Variants in ALG5 observed in about 807,000 individuals in gnomAD.
The protein encoded by ALG5 is ALG5 dolichyl-phosphate beta-glucosyltransferase.
ALG5 carries 26 observed loss-of-function variants against 51.8 expected under a neutral mutation model. The ratio of observed to expected loss-of-function variants is 0.50; its 90% CI spans 0.37 to 0.70. The LOEUF (loss-of-function observed/expected upper bound fraction) is 0.70. Among genes scored for constraint, ALG5 ranks in the 30% least tolerant of loss-of-function variants. The probability of loss-of-function intolerance (pLI) is 0.00; values close to 1 mark genes in which losing one functional copy is unlikely to be tolerated. For synonymous variants in ALG5, 141 were observed against 136.1 expected (o/e 1.04, Z -0.25); for missense variants, 311 against 399.3 (o/e 0.78, Z 1.88).
At chr13:36,954,220 T>C (rs1442616087) in intron 8 of ALG5, among the ~76,000 whole-genome samples, 5 of 151,914 alleles carry the variant, frequency 3.3e-5, no homozygotes, top group Non-Finnish European at 1.5e-5. Context: ...CCTGAACATC[T>C]GGGAGCATAG....
intron 6 of ALG5, among the ~76,000 whole-genome samples, chr13:36,973,347 T>TAA (rs2058935314): frequency 1.3e-5 from 2 of 151,836 alleles, no homozygotes; most frequent in Non-Finnish European, 2.9e-5. Context: ...GCCATATGAG[T>TAA]ACTTAGAATA....
At position 36,984,379 on chromosome 13, in the gene ALG5, G is replaced by GC. The variant is rs780763850; in HGVS notation, c.561+1247dup. Among the ~76,000 whole-genome samples, 6 of 152,210 alleles carry GC rather than the reference G, an allele frequency of 3.9e-5. No homozygotes were observed. The East Asian group carries it at 9.7e-4, about 25-fold the overall frequency. ...GCCTCCCACAGTGCTGGAATTACAGGCATGTAAACCTGGCCTGTAATTTTT... is the reference window on the plus strand; with the variant it reads ...GCCTCCCACAGTGCTGGAATTACAGGCCATGTAAACCTGGCCTGTAATTTTT... On this transcript the variant is annotated intron_variant, in intron 6 of 9. Coordinates refer to ENST00000239891, the MANE Select transcript of ALG5 (RefSeq NM_013338.5).
chr13:36,980,804 C>T (rs1209561329), intron 6 of ALG5, among the ~76,000 whole-genome samples: 1 of 151,900 alleles, frequency 6.6e-6, no homozygotes, highest in Non-Finnish European at 1.5e-5. Flanking sequence ...GAAACCCCAT[C>T]TCTACCAAAA....
At chr13:36,976,631 C>T (rs1360825242) in intron 6 of ALG5, among the ~76,000 whole-genome samples, 1 of 151,748 alleles carries the variant, frequency 6.6e-6, no homozygotes, top group Non-Finnish European at 1.5e-5. Context: ...GCCTGTAGTC[C>T]CAGCTACTTG....
At chr13:36,991,715 T>C (rs934775477) in intron 4 of ALG5, among the ~76,000 whole-genome samples, 1 of 152,246 alleles carries the variant, frequency 6.6e-6, no homozygotes, top group Non-Finnish European at 1.5e-5. Context: ...TGAGGACTTC[T>C]GATAAAGATT....
At chr13:36,957,286 A>G (rs1227355510) in intron 8 of ALG5, among the ~76,000 whole-genome samples, 2 of 151,564 alleles carry the variant, frequency 1.3e-5, no homozygotes, top group Admixed American at 6.6e-5. Context: ...TTTTACCCAC[A>G]TGCCCAAATC....
intron 8 of ALG5, among the ~76,000 whole-genome samples, chr13:36,955,406 A>C (rs531676300): frequency 1.3e-5 from 2 of 152,192 alleles, no homozygotes; most frequent in African/African-American, 4.8e-5. Context: ...AGAAAATGAC[A>C]AAGTTTTAAA....
chr13:36,988,266 G>T (rs1470475699), intron 5 of ALG5, among the ~76,000 whole-genome samples: 2 of 152,170 alleles, frequency 1.3e-5, no homozygotes, highest in East Asian at 3.9e-4. Flanking sequence ...GACAGAATAG[G>T]TGTCTTTCAT....
intron 1 of ALG5, among the ~76,000 whole-genome samples, chr13:36,997,201 G>A (rs540029452): frequency 2.0e-5 from 3 of 152,194 alleles, no homozygotes; most frequent in Admixed American, 6.5e-5. Context: ...GGCCGGGCGC[G>A]GTGGCTCATG....
chr13:36,955,313 T>A (rs1593656856), intron 8 of ALG5, among the ~76,000 whole-genome samples: 1 of 152,162 alleles, frequency 6.6e-6, no homozygotes, highest in Admixed American at 6.5e-5. Context: ...CTACTGAGTG[T>A]TTTAGTGCCA....
chr13:36,977,790 C>CAAAAAAAAAA (rs869027711), intron 6 of ALG5, among the ~76,000 whole-genome samples: 4 of 39,174 alleles, frequency 1.0e-4, no homozygotes, highest in African/African-American at 5.4e-4. Context: ...AGACTGTCTC[C>CAAAAAAAAAA]AAAAAAAAAA....
chr13:36,972,141 T>C, intron 6 of ALG5, 105 bp from the exon 7 acceptor site: 1 of 979,866 alleles, frequency 1.0e-6, no homozygotes. Context: ...TTTAAAAAAG[T>C]TGACATTAAA....
chr13:36,989,272 A>T (rs187306536), intron 5 of ALG5, among the ~76,000 whole-genome samples: 2 of 152,238 alleles, frequency 1.3e-5, no homozygotes, highest in African/African-American at 4.8e-5. Flanking sequence ...TAAGATAAAC[A>T]TAAATACATA....
chr13:36,960,549 A>G (rs990142671), intron 8 of ALG5, among the ~76,000 whole-genome samples: 1 of 152,098 alleles, frequency 6.6e-6, no homozygotes, highest in Non-Finnish European at 1.5e-5. Context: ...GTCTCGTTCT[A>G]TCACCCAGGC....
At position 36,967,430 on chromosome 13, in the gene ALG5, G is replaced by T. The variant is rs549447511; in HGVS notation, c.622-1704C>A. Among the ~76,000 whole-genome samples, 4 of 152,182 alleles carry T rather than the reference G, an allele frequency of 2.6e-5. No homozygotes were observed. The East Asian group carries it at 7.7e-4, about 29-fold the overall frequency. On this transcript the variant is annotated intron_variant, in intron 7 of 9. Coordinates refer to ENST00000239891, the MANE Select transcript of ALG5 (RefSeq NM_013338.5). ...AAATGAGATTATTTTAAAGAATATA[G>T]CGAAGTGTTTGGCACAGAAAATAAC...
intron 6 of ALG5, among the ~76,000 whole-genome samples, chr13:36,973,164 A>G (rs934196452): frequency 2.0e-5 from 3 of 152,006 alleles, no homozygotes; most frequent in African/African-American, 4.8e-5. Flanking sequence ...AGAAGCAAAA[A>G]TAATCAAGAA....
chr13:36,987,415 G>T (rs1423338584), intron 5 of ALG5, among the ~76,000 whole-genome samples: 1 of 152,178 alleles, frequency 6.6e-6, no homozygotes, highest in East Asian at 1.9e-4. Context: ...TTTGGGTCAT[G>T]GGGGTGGATC....
At chr13:36,974,477 CT>C (rs1263949147) in intron 6 of ALG5, among the ~76,000 whole-genome samples, 1 of 152,038 alleles carries the variant, frequency 6.6e-6, no homozygotes, top group Non-Finnish European at 1.5e-5. Context: ...GTGTATATTT[CT>C]TTGTATTCTT....
intron 3 of ALG5, among the ~76,000 whole-genome samples, chr13:36,994,139 GGT>G (rs979439595): frequency 6.6e-5 from 10 of 152,156 alleles, no homozygotes; most frequent in African/African-American, 2.4e-4. Context: ...CTATGTGGCT[GGT>G]GTGAAGATTA....
Sources: gnomAD v4.1 joint callset for allele counts (sites outside exome capture counted in the v4.1 genomes callset) on GRCh38, gnomAD v4.1.1 for gene constraint, MANE v1.5 for transcripts, NCBI Gene and HGNC (gene_info 2026-07-23, HGNC 2026-07-21) for gene names.